Variants in MCF2L observed in about 807,000 individuals in gnomAD.
The protein encoded by MCF2L is guanine nucleotide exchange factor DBS.
MCF2L carries 97 observed loss-of-function variants against 153.4 expected under a neutral mutation model. The observed-to-expected ratio is 0.63, with a 90% confidence interval of 0.54 to 0.75. The LOEUF is 0.75. Ranked by LOEUF, MCF2L falls within the 30% of genes least tolerant of loss-of-function variation. The pLI, the probability that MCF2L is intolerant of heterozygous loss-of-function variation, is 0.00. For missense variants in MCF2L, 1,347 were observed against 1,495.2 expected, an observed-to-expected ratio of 0.90 and a Z score of 1.64; for synonymous variants, 659 against 632.2, an observed-to-expected ratio of 1.04 and a Z score of -0.64.
Position 112,986,364 on chromosome 13 carries a change from T to TCA in MCF2L, c.79+16908_79+16909dup, listed in dbSNP as rs201928432. Among the ~76,000 whole-genome samples the TCA allele has an allele frequency of 5.1e-3, 778 of 152,298 alleles. 16 individuals are homozygous for TCA. The highest frequency in any genetic ancestry group is 0.031 in the Admixed American group (476 of 15,302). ...TCTGCAGATGAGGAGAGTCAGGAAGTCACGGAGAGAAATGCGCATCACAGG... is the reference window on the plus strand; with the variant it reads ...TCTGCAGATGAGGAGAGTCAGGAAGTCACACGGAGAGAAATGCGCATCACAGG... On this transcript the variant is annotated intron_variant, in intron 1 of 29. Coordinates refer to ENST00000535094, the MANE Select transcript of MCF2L (RefSeq NM_001112732.3).
intron 18 of MCF2L, 90 bp downstream of exon 18, chr13:113,084,157 C>T (rs760276082): frequency 1.9e-5 from 20 of 1,047,428 alleles, no homozygotes; most frequent in Non-Finnish European, 2.5e-5. Context: ...CTATTCTAAC[C>T]AACTGAAATC....
intron 2 of MCF2L, among the ~76,000 whole-genome samples, chr13:112,906,779 C>T (rs943461488): frequency 2.0e-4 from 31 of 152,132 alleles, no homozygotes; most frequent in African/African-American, 7.5e-4. Context: ...GTGAGGTGCC[C>T]CCGGCACAGG....
intron 1 of MCF2L, among the ~76,000 whole-genome samples, chr13:113,003,004 T>TAAAA (rs11329462): frequency 8.6e-4 from 123 of 142,966 alleles, no homozygotes; most frequent in African/African-American, 3.1e-3. Flanking sequence ...CCTCATCTGT[T>TAAAA]AAAAAAAAAA....
In MCF2L at chr13:112,959,906, G is replaced by A. The variant is rs145807066; in HGVS notation, c.170-54857G>A. The stretch of plus-strand genomic sequence containing the variant: ...GAATGGTCGTGCCTGTCTCCATCAT[G>A]GGAGATGCACAGTGGACACGCTGTG... On this transcript the variant is annotated intron_variant, in intron 2 of 29. Coordinates refer to the MCF2L transcript ENST00000375608. Among the ~76,000 whole-genome samples, 5 of 152,332 alleles carry A rather than the reference G, an allele frequency of 3.3e-5. No homozygotes were observed. In the East Asian group the frequency reaches 9.7e-4, roughly 29 times the overall value.
At chr13:113,043,111 G>A (rs1220575774) in intron 3 of MCF2L, 1 of 152,268 alleles carries the variant, frequency 6.6e-6, no homozygotes, top group East Asian at 1.9e-4. Flanking sequence ...AGCAGAGATG[G>A]TTCACAGCCA....
chr13:112,907,327 A>G lies in MCF2L; in HGVS notation c.169+4956A>G, dbSNP rs1478080032. ...TTTGGGGAAGGGGAAAATGACCACA[A>G]GAAACAGATACTTGGAAGGAAATTG... On this transcript the variant is annotated intron_variant, in intron 2 of 29. Transcript: ENST00000375608. The surrounding 1 kb of genome is among the most constrained non-coding windows in gnomAD (Gnocchi z 5.1). 6.6e-6 allele frequency among the ~76,000 whole-genome samples: 1 copy of G among 152,214 alleles called. No individual in the cohort carries two copies. Among genetic ancestry groups the G allele is most frequent in the Admixed American group, 6.5e-5 (1 of 15,286 alleles).
At chr13:113,080,103 A>G (rs78337246) in intron 15 of MCF2L, among the ~76,000 whole-genome samples, 2 of 26,726 alleles carry the variant, frequency 7.5e-5, no homozygotes, top group African/African-American at 2.9e-4. Flanking sequence ...AGGAGTGTCC[A>G]TACCGAGGAG....
chr13:112,983,559 A>ATCT lies in MCF2L; in HGVS notation c.79+14101_79+14102insTCT. ...ATCTCCAAAGCCCGTGGTGCTGGGC[A>ATCT]CGGCAGAGCCGTAGGCGGAGACAGG... On this transcript the variant is annotated intron_variant, in intron 1 of 29. Coordinates refer to ENST00000535094, the MANE Select transcript of MCF2L (RefSeq NM_001112732.3). The surrounding 1 kb of genome is among the most constrained non-coding windows in gnomAD (Gnocchi z 4.0). Among the ~76,000 whole-genome samples, 1 of 152,348 alleles carries ATCT rather than the reference A, an allele frequency of 6.6e-6. No individual in the cohort carries two copies. The highest frequency in any genetic ancestry group is 6.5e-5 in the Admixed American group (1 of 15,312).
intron 1 of MCF2L, among the ~76,000 whole-genome samples, chr13:113,006,932 G>A (rs568747755): frequency 4.6e-5 from 7 of 152,282 alleles, no homozygotes; most frequent in Admixed American, 2.0e-4. Flanking sequence ...GGCTGTGACC[G>A]GAGGTGGCAA....
At chr13:113,081,327 G>A in intron 16 of MCF2L, 48 bp downstream of exon 16, 3 of 1,524,706 alleles carry the variant, frequency 2.0e-6, no homozygotes, top group Non-Finnish European at 2.7e-6. Flanking sequence ...ACTCCCCTGG[G>A]CCAGCTGGTG....
chr13:112,997,047 G>A (rs2083168077), intron 1 of MCF2L, among the ~76,000 whole-genome samples: 1 of 152,238 alleles, frequency 6.6e-6, no homozygotes, highest in Non-Finnish European at 1.5e-5. Context: ...GCCCTCGCCT[G>A]CACTGCTTTC....
In MCF2L at chr13:113,078,357, C is replaced by A; in HGVS notation, c.1661-6C>A. 1 of 1,612,826 alleles carries A rather than the reference C, an allele frequency of 6.2e-7. No individual in the cohort carries two copies. Among genetic ancestry groups the A allele is most frequent in the Non-Finnish European group, 8.5e-7 (1 of 1,179,440 alleles). The stretch of plus-strand genomic sequence containing the variant: ...CTTCATGCCCCGCTCCCCTTCTTCC[C>A]AACAGGCATTCGGCGAGGCTCTGAG... On this transcript the variant is annotated splice_region_variant and splice_polypyrimidine_tract_variant and intron_variant, in intron 13 of 29. Coordinates refer to ENST00000535094, the MANE Select transcript of MCF2L (RefSeq NM_001112732.3).
intron 3 of MCF2L, among the ~76,000 whole-genome samples, chr13:113,039,798 T>G (rs2086369764): frequency 6.6e-6 from 1 of 152,210 alleles, no homozygotes; most frequent in African/African-American, 2.4e-5. Context: ...CAGTATCCAG[T>G]GCTGACAAAA....
chr13:113,064,413 A>G lies in MCF2L; in HGVS notation c.599A>G (p.Gln200Arg), dbSNP rs374546993. 2 of 1,611,014 alleles carry G rather than the reference A, an allele frequency of 1.2e-6. No individual in the cohort carries two copies. Among genetic ancestry groups the G allele is most frequent in the African/African-American group, 2.7e-5 (2 of 74,914 alleles). ...TACTGCCACTCCCGGTGGCTGTGCC[A>G]GCGCACGGTGAGCCGCGTCGGGGCC... ...LDYCHSRWLC[Q>R]RTAIESFALM... Residue 200 changes from glutamine to arginine, a missense_variant, in exon 6 of 30, where the codon CAG becomes CGG. By Grantham distance (43) the Gln-to-Arg change is conservative (BLOSUM62 1). Around this residue, in one of 3 missense-constraint regions of MCF2L, gnomAD observed 820 missense variants for 921.2 expected, o/e 0.89. Transcript: ENST00000535094. The surrounding 1 kb of genome is among the most constrained non-coding windows in gnomAD (Gnocchi z 6.0).
At chr13:113,030,622 C>T (rs1477809358) in intron 3 of MCF2L, among the ~76,000 whole-genome samples, 1 of 152,080 alleles carries the variant, frequency 6.6e-6, no homozygotes, top group Non-Finnish European at 1.5e-5. Context: ...CAGGTGTGGG[C>T]CCTCGGGTGT....
rs56189966 is a variant in MCF2L at position 113,055,369 on chromosome 13, A to ACC, written c.370-5214_370-5213dup. On this transcript the variant is annotated intron_variant, in intron 4 of 29. Coordinates refer to ENST00000535094, the MANE Select transcript of MCF2L (RefSeq NM_001112732.3). ...ATAGTTGCACCTGCTGGAGACGTGG[A>ACC]CCCCCCCCCCCGCCACACACACACA... Among the ~76,000 whole-genome samples, 32 of 8,948 alleles carry ACC rather than the reference A, an allele frequency of 3.6e-3. 12 individuals carry two copies. Among genetic ancestry groups the ACC allele is most frequent in the South Asian group, 0.01 (2 of 192 alleles). The allele number at this position is 8,948 out of a possible 152,430, so 5.9% of individuals were successfully genotyped here.
chr13:112,951,428 G>A lies in MCF2L; in HGVS notation c.169+49057G>A, dbSNP rs760006841. Among the ~76,000 whole-genome samples, 5 of 152,112 alleles carry A rather than the reference G, an allele frequency of 3.3e-5. No homozygotes were observed. The highest frequency in any genetic ancestry group is 4.8e-5 in the African/African-American group (2 of 41,408). ...GAATGTTTATATTCGTTTATTTGTCGCAGTCAAAAACTGGAAAGAACCCCA... is the reference window on the plus strand; with the variant it reads ...GAATGTTTATATTCGTTTATTTGTCACAGTCAAAAACTGGAAAGAACCCCA... On this transcript the variant is annotated intron_variant, in intron 2 of 29. Transcript: ENST00000375608. The surrounding 1 kb of genome is among the most constrained non-coding windows in gnomAD (Gnocchi z 4.8).
chr13:113,089,721 G>A lies in MCF2L; in HGVS notation c.2946G>A (p.Lys982=), dbSNP rs1389535056. The A allele has an allele frequency of 6.8e-6, 11 of 1,613,460 alleles. No individual in the cohort carries two copies. The highest frequency in any genetic ancestry group is 9.3e-6 in the Non-Finnish European group (11 of 1,179,798). ...CGCCACTGACAAAGCCCCCCGAAAA[G>A]GGCAAAGGTGGGTATGTGCAGGGAC... The part of the protein sequence containing the change: ...SSAPLTKPPE[K]GKGWSKTSHS... Residue 982 remains lysine (K), a synonymous_variant, in exon 26 of 30, where the codon AAG becomes AAA. Coordinates refer to ENST00000535094, the MANE Select transcript of MCF2L (RefSeq NM_001112732.3).
chr13:113,045,607 C>T lies in MCF2L; in HGVS notation c.369+246C>T, dbSNP rs930753254. On this transcript the variant is annotated intron_variant, in intron 4 of 29. Coordinates refer to ENST00000535094, the MANE Select transcript of MCF2L (RefSeq NM_001112732.3). This position sits in a 1 kb window ranked among gnomAD's most constrained non-coding sequence, Gnocchi z 4.2. ...GCCCAATGTGACTTGCAAACAATTT[C>T]CCCAGGCAGAGCAGCCCATATGTTT... 3.5e-6 allele frequency: 2 copies of T among 568,422 alleles called. No individual in the cohort carries two copies. The highest frequency in any genetic ancestry group is 3.7e-5 in the African/African-American group (2 of 53,350). The allele number at this position is 568,422 out of a possible 1,614,324, so 35.2% of individuals were successfully genotyped here. A position where few individuals can be genotyped will look rare whatever the true frequency, so the allele number is the denominator to read the frequency against.
Sources: gnomAD v4.1 joint callset for allele counts (sites outside exome capture counted in the v4.1 genomes callset) on GRCh38, gnomAD v4.1.1 for gene constraint, gnomAD v4.1.1 regional missense constraint, Gnocchi (gnomAD v3.1) non-coding constraint, MANE v1.5 for transcripts, NCBI Gene and HGNC (gene_info 2026-07-23, HGNC 2026-07-21) for gene names.